The following EVC variants were observed in gnomAD, a reference collection of about 807,000 sequenced individuals.
EVC encodes the protein EvC ciliary complex subunit 1.
Under a neutral mutation model 118.9 loss-of-function variants are expected in EVC, and 116 were observed. The observed-to-expected ratio is 0.98, with a 90% CI of 0.84 to 1.14. The LOEUF is 1.14. EVC is among the 50% of genes most tolerant of loss of function. EVC has a pLI of 0.00. For missense variants in EVC, 1,401 were observed against 1,246.4 expected, an observed-to-expected ratio of 1.12 and a Z score of -1.87; for synonymous variants, 619 against 534.7, an observed-to-expected ratio of 1.16 and a Z score of -2.18.
intron 18 of EVC, 109 bp from the exon 19 acceptor site, chr4:5,809,409 C>G: frequency 1.1e-6 from 1 of 929,256 alleles, no homozygotes; most frequent in Non-Finnish European, 1.8e-6. Context: ...ACACGGGAGA[C>G]GTGGTCTTCA....
chr4:5,787,440 A>T (rs1711894518), intron 12 of EVC, among the ~76,000 whole-genome samples: 1 of 152,210 alleles, frequency 6.6e-6, no homozygotes, highest in Non-Finnish European at 1.5e-5. Context: ...TGCCAGAGTG[A>T]GGAGTGAGGA....
At chr4:5,804,185 A>C (rs1402110384) in intron 16 of EVC, among the ~76,000 whole-genome samples, 1 of 152,060 alleles carries the variant, frequency 6.6e-6, no homozygotes, top group Non-Finnish European at 1.5e-5. Context: ...TGATCCACCC[A>C]TCTCGGCCTC....
chr4:5,725,098 T>G (rs1725602861), intron 2 of EVC, among the ~76,000 whole-genome samples: 1 of 152,226 alleles, frequency 6.6e-6, no homozygotes, highest in Non-Finnish European at 1.5e-5. Flanking sequence ...AGTGTATATG[T>G]ACCACATTTT....
Position 5,719,500 on chromosome 4 carries a change from G to A in EVC, c.300+127G>A. On this transcript the variant is annotated intron_variant, in intron 2 of 20. Transcript: ENST00000264956. The surrounding 1 kb of genome is among the most constrained non-coding windows in gnomAD (Gnocchi z 4.7). The stretch of plus-strand genomic sequence containing the variant: ...TTTCCCAATGGGCTGCTTTTCTGAG[G>A]CATAATTTACATACAGTCAAATGCG... 1 of 1,407,398 alleles carries A rather than the reference G, an allele frequency of 7.1e-7. No individual in the cohort carries two copies. Among genetic ancestry groups the A allele is most frequent in the South Asian group, 1.2e-5 (1 of 85,430 alleles). 87.2% of individuals were successfully genotyped at this position (1,407,398 alleles called of 1,614,324 possible). A position where few individuals can be genotyped will look rare whatever the true frequency, so the allele number is the denominator to read the frequency against.
intron 13 of EVC, among the ~76,000 whole-genome samples, chr4:5,795,983 A>G (rs1470230314): frequency 6.8e-6 from 1 of 146,850 alleles, no homozygotes; most frequent in African/African-American, 2.4e-5. Flanking sequence ...TGTCTCTTAC[A>G]TGCTCCTCTG....
rs1871584 is a variant in EVC, at chr4:5,743,993, A to C, written c.802-1211A>C. 6.6e-6 allele frequency among the ~76,000 whole-genome samples: 1 copy of C among 152,000 alleles called. No individual in the cohort carries two copies. Among genetic ancestry groups the C allele is most frequent in the Non-Finnish European group, 1.5e-5 (1 of 67,986 alleles). ...CTTGGAGTCTGCAGACCTCAGATCA[A>C]ATTCCATCTCTACGAGTTAAACAAG... On this transcript the variant is annotated intron_variant, in intron 6 of 20. Transcript: ENST00000264956. This position sits in a 1 kb window ranked among gnomAD's most constrained non-coding sequence, Gnocchi z 4.7.
intron 1 of EVC, among the ~76,000 whole-genome samples, chr4:5,718,104 A>T (rs2151832604): frequency 6.6e-6 from 1 of 152,308 alleles, no homozygotes. Flanking sequence ...AGTGTCTGGG[A>T]TAACAGAGTT....
intron 2 of EVC, among the ~76,000 whole-genome samples, chr4:5,724,953 A>G (rs1383184769): frequency 6.6e-6 from 1 of 151,742 alleles, no homozygotes; most frequent in African/African-American, 2.4e-5. Context: ...TCTAGCTTCT[A>G]CTTATAAGTG....
rs757758027 is a variant in EVC, at chr4:5,756,679, G to A, written c.1563+317G>A. ...GTGAGAAATAGGCCCAGGGTTTCTG[G>A]GTGTCATCAGTGTAAAGTGGTGATG... On this transcript the variant is annotated intron_variant, in intron 11 of 20. Transcript: ENST00000264956. This position sits in a 1 kb window ranked among gnomAD's most constrained non-coding sequence, Gnocchi z 4.2. 9.2e-5 allele frequency among the ~76,000 whole-genome samples: 14 copies of A among 152,186 alleles called. No individual in the cohort carries two copies. Among genetic ancestry groups the A allele is most frequent in the South Asian group, 4.1e-4 (2 of 4,830 alleles).
At chr4:5,785,435 G>C (rs1333735155) in intron 12 of EVC, among the ~76,000 whole-genome samples, 1 of 152,228 alleles carries the variant, frequency 6.6e-6, no homozygotes. Flanking sequence ...GCATCCATCT[G>C]AAAGAGGTTT....
intron 17 of EVC, among the ~76,000 whole-genome samples, chr4:5,807,722 A>G (rs1378028894): frequency 6.6e-6 from 1 of 152,040 alleles, no homozygotes; most frequent in South Asian, 2.1e-4. Flanking sequence ...TTTACGAGGG[A>G]GGGGCCGGGG....
At position 5,783,708 on chromosome 4, in the gene EVC, C is replaced by T. The variant is rs141820870; in HGVS notation, c.1720C>T (p.Arg574Cys). The change falls in exon 12 of 21, where the codon CGC becomes TGC. Residue 574 changes from arginine (R) to cysteine (C), a missense_variant. Coordinates refer to ENST00000264956, the MANE Select transcript of EVC (RefSeq NM_153717.3). ...TGCCTGGCAGCTGGGGAAGTCAAAT[C>T]GCTTCCGGAGGCAGCAGTGGAAACT... Reference protein sequence around the residue: ...NAAWQLGKSNRFRRQQWKLFQ... With the variant: ...NAAWQLGKSNCFRRQQWKLFQ... The T allele has an allele frequency of 2.4e-5, 38 of 1,613,864 alleles. No homozygotes were observed. Among genetic ancestry groups the T allele is most frequent in the Non-Finnish European group, 3.1e-5 (36 of 1,179,936 alleles).
intron 11 of EVC, among the ~76,000 whole-genome samples, chr4:5,758,821 T>C (rs369755771): frequency 6.6e-6 from 1 of 152,242 alleles, no homozygotes; most frequent in Non-Finnish European, 1.5e-5. Flanking sequence ...AAACCTCGCT[T>C]CTTGTGTTTT....
At chr4:5,748,457 C>T (rs528621258) in intron 8 of EVC, 151 bp downstream of exon 8, 2 of 759,756 alleles carry the variant, frequency 2.6e-6, no homozygotes, top group African/African-American at 3.5e-5. Context: ...ACAGTAAATT[C>T]ATTCATCCAT....
intron 17 of EVC, among the ~76,000 whole-genome samples, chr4:5,805,395 A>T (rs1715701355): frequency 6.6e-6 from 1 of 152,180 alleles, no homozygotes; most frequent in Non-Finnish European, 1.5e-5. Flanking sequence ...GCCTGAGCGA[A>T]GGGGCCCGCC....
At chr4:5,718,307 A>G (rs1278589064) in intron 1 of EVC, among the ~76,000 whole-genome samples, 1 of 152,208 alleles carries the variant, frequency 6.6e-6, no homozygotes, top group African/African-American at 2.4e-5. Context: ...GTTTAAAGAT[A>G]TCTTATTTAA....
chr4:5,739,713 CA>C (rs1297823530), intron 5 of EVC, among the ~76,000 whole-genome samples: 2 of 151,694 alleles, frequency 1.3e-5, no homozygotes, highest in Admixed American at 6.6e-5. Context: ...CCTGCAAAGC[CA>C]AAAAAAATTT....
chr4:5,770,063 G>T (rs1015654062), intron 11 of EVC, among the ~76,000 whole-genome samples: 1 of 152,092 alleles, frequency 6.6e-6, no homozygotes, highest in African/African-American at 2.4e-5. Flanking sequence ...CATAGGGCTC[G>T]AGGGGGGCTC....
intron 12 of EVC, among the ~76,000 whole-genome samples, chr4:5,786,095 G>C (rs1560406464): frequency 6.6e-6 from 1 of 152,342 alleles, no homozygotes; most frequent in East Asian, 1.9e-4. Context: ...ACTTTAGCCA[G>C]TGAGCTGACC....
Sources: gnomAD v4.1 joint callset for allele counts (sites outside exome capture counted in the v4.1 genomes callset) on GRCh38, gnomAD v4.1.1 for gene constraint, Gnocchi (gnomAD v3.1) non-coding constraint, MANE v1.5 for transcripts, NCBI Gene and HGNC (gene_info 2026-07-23, HGNC 2026-07-21) for gene names.